Variants in TMEM178B observed in about 807,000 individuals in gnomAD.
TMEM178B encodes transmembrane protein 178B.
TMEM178B carries 5 observed loss-of-function variants against 31.0 expected under a neutral mutation model. That is an observed-to-expected ratio of 0.16 (90% confidence interval 0.08 to 0.34). TMEM178B has a LOEUF of 0.34. TMEM178B is among the 10% of genes least tolerant of loss of function. The pLI, the probability that TMEM178B is intolerant of heterozygous loss-of-function variation, is 1.00. For synonymous variants in TMEM178B, 164 were observed against 164.0 expected, an observed-to-expected ratio of 1.00 and a Z score of 0.00; for missense variants, 275 against 400.3, an observed-to-expected ratio of 0.69 and a Z score of 2.67.
In TMEM178B at chr7:141,470,737, C is replaced by T. The variant is rs757257299; in HGVS notation, c.836C>T (p.Pro279Leu). The T allele has an allele frequency of 4.0e-5, 61 of 1,532,466 alleles. 1 individual carries two copies. Among genetic ancestry groups the T allele is most frequent in the Admixed American group, 7.9e-5 (4 of 50,510 alleles). 94.9% of individuals were successfully genotyped at this position (1,532,466 alleles called of 1,614,324 possible). ...TTAGCCCCTTCTGTTCAACCTGTCC[C>T]GAGGACCAACTACCCTAAATCCAGA... ...CTLAPSVQPV[P>L]RTNYPKSRPE... Residue 279 changes from proline to leucine, a missense_variant, in exon 4 of 4, where the codon CCG becomes CTG. By Grantham distance (98) the Pro-to-Leu change is moderately conservative. Transcript: ENST00000565468.
intron 2 of TMEM178B, among the ~76,000 whole-genome samples, chr7:141,279,129 T>C (rs938158217): frequency 6.6e-6 from 1 of 152,188 alleles, no homozygotes; most frequent in African/African-American, 2.4e-5. Context: ...CTTGGATTAG[T>C]TGGGCCAGAG....
At chr7:141,424,401 A>G (rs903129798) in intron 2 of TMEM178B, among the ~76,000 whole-genome samples, 15 of 152,208 alleles carry the variant, frequency 9.9e-5, no homozygotes, top group African/African-American at 3.6e-4. Context: ...TTGGCCAAAG[A>G]GGAGCATGGC....
chr7:141,284,440 C>T (rs1334848090), intron 2 of TMEM178B, among the ~76,000 whole-genome samples: 4 of 152,138 alleles, frequency 2.6e-5, no homozygotes, highest in Non-Finnish European at 4.4e-5. Flanking sequence ...GTTTACAAAT[C>T]CATTTTTTCT....
chr7:141,454,341 T>C lies in TMEM178B; in HGVS notation c.635-16195T>C, dbSNP rs1009843414. Reference sequence around the variant, plus strand: ...CTTTAGGAGGATGCAGACTCCAGCTTTTAAGGCCTTACAGAGAAGTGACTG... The same window carrying C: ...CTTTAGGAGGATGCAGACTCCAGCTCTTAAGGCCTTACAGAGAAGTGACTG... On this transcript the variant is annotated intron_variant, in intron 3 of 3. Coordinates refer to ENST00000565468, the MANE Select transcript of TMEM178B (RefSeq NM_001195278.2). 1.4e-4 allele frequency among the ~76,000 whole-genome samples: 21 copies of C among 151,958 alleles called. 1 individual carries two copies. Among genetic ancestry groups the C allele is most frequent in the Admixed American group, 1.2e-3 (18 of 15,268 alleles).
chr7:141,277,834 T>A (rs914932895), intron 2 of TMEM178B, among the ~76,000 whole-genome samples: 3 of 152,188 alleles, frequency 2.0e-5, no homozygotes, highest in Non-Finnish European at 4.4e-5. Context: ...AAAATGAATC[T>A]TAATGAACCA....
chr7:141,163,320 T>C lies in TMEM178B; in HGVS notation c.383-49271T>C, dbSNP rs1360031551. 2.0e-5 allele frequency among the ~76,000 whole-genome samples: 3 copies of C among 152,218 alleles called. 1 individual carries two copies. The Middle Eastern group carries it at 9.5e-3, about 482-fold the overall frequency. On this transcript the variant is annotated intron_variant, in intron 1 of 3. Transcript: ENST00000565468. ...TGGAAGCCTAGGCTTGGAACTGGCA[T>C]ACTGTCACTCTCACCATATGATATT...
chr7:141,419,109 C>T (rs1372464991), intron 2 of TMEM178B, among the ~76,000 whole-genome samples: 2 of 152,116 alleles, frequency 1.3e-5, no homozygotes, highest in African/African-American at 2.4e-5. Context: ...GGGATTTCAC[C>T]ATGTTGACCA....
intron 1 of TMEM178B, among the ~76,000 whole-genome samples, chr7:141,204,747 T>C (rs1013943599): frequency 2.0e-5 from 3 of 152,208 alleles, no homozygotes; most frequent in Non-Finnish European, 4.4e-5. Context: ...TTGATATCTA[T>C]TTTTCACTCA....
At chr7:141,232,869 T>A (rs1797469655) in intron 2 of TMEM178B, among the ~76,000 whole-genome samples, 2 of 151,988 alleles carry the variant, frequency 1.3e-5, no homozygotes, top group African/African-American at 4.8e-5. Context: ...TGCCCCAAAC[T>A]CAGGAAGCAG....
At chr7:141,410,167 G>A (rs1040417648) in intron 2 of TMEM178B, among the ~76,000 whole-genome samples, 3 of 152,128 alleles carry the variant, frequency 2.0e-5, no homozygotes, top group African/African-American at 4.8e-5. Flanking sequence ...TTTCTATTCC[G>A]AGCACTTTGC....
intron 1 of TMEM178B, among the ~76,000 whole-genome samples, chr7:141,092,498 A>G (rs1204581110): frequency 1.3e-5 from 2 of 152,152 alleles, no homozygotes; most frequent in African/African-American, 4.8e-5. Flanking sequence ...TGGGGTAACA[A>G]TTTCTACTTT....
At chr7:141,482,153 ACTC>A (rs1393861705), downstream of TMEM178B, among the ~76,000 whole-genome samples, 1 of 151,728 alleles carries the variant, frequency 6.6e-6, no homozygotes, top group Non-Finnish European at 1.5e-5. Context: ...AAACACACCT[ACTC>A]CTCCTCACCT....
intron 2 of TMEM178B, among the ~76,000 whole-genome samples, chr7:141,221,588 T>C (rs1179400094): frequency 3.3e-5 from 5 of 152,120 alleles, no homozygotes; most frequent in African/African-American, 1.2e-4. Context: ...AAATAGACAA[T>C]GGTGGCTGAG....
At chr7:141,493,687 A>G in the TMEM178B span, among the ~76,000 whole-genome samples, 1 of 152,156 alleles carries the variant, frequency 6.6e-6, no homozygotes, top group Non-Finnish European at 1.5e-5. Flanking sequence ...AGGAAAAGAG[A>G]TGGGCAATGG....
rs1800218295 is a variant in TMEM178B, at chr7:141,376,597, G to A, written c.497-61011G>A. On this transcript the variant is annotated intron_variant, in intron 2 of 3. Transcript: ENST00000565468. ...TTTTAGATAGATATTTCAGTGTCAG[G>A]GAATACAGGGGATAGAGAAACAAGC... Among the ~76,000 whole-genome samples, 3 of 152,140 alleles carry A rather than the reference G, an allele frequency of 2.0e-5. No individual in the cohort carries two copies. In the South Asian group the frequency reaches 6.2e-4, roughly 32 times the overall value.
chr7:141,140,243 T>C (rs988779752), intron 1 of TMEM178B, among the ~76,000 whole-genome samples: 1 of 152,196 alleles, frequency 6.6e-6, no homozygotes, highest in African/African-American at 2.4e-5. Flanking sequence ...GGCCTTTGCA[T>C]GAACTGTTTC....
intron 2 of TMEM178B, among the ~76,000 whole-genome samples, chr7:141,430,827 TC>T (rs1396289173): frequency 1.3e-5 from 2 of 152,192 alleles, no homozygotes; most frequent in African/African-American, 4.8e-5. Flanking sequence ...AGTTCTGCCC[TC>T]ACCACTTTGC....
At chr7:141,264,325 C>T (rs764229226) in intron 2 of TMEM178B, among the ~76,000 whole-genome samples, 7 of 152,246 alleles carry the variant, frequency 4.6e-5, no homozygotes, top group Non-Finnish European at 8.8e-5. Flanking sequence ...AGGCCAGACT[C>T]TCTTTGGGCA....
chr7:141,186,773 C>G (rs1796615970), intron 1 of TMEM178B, among the ~76,000 whole-genome samples: 1 of 152,044 alleles, frequency 6.6e-6, no homozygotes, highest in Admixed American at 6.6e-5. Context: ...GGTGAGTAGC[C>G]CCACCAGTGG....
Sources: gnomAD v4.1 joint callset for allele counts (sites outside exome capture counted in the v4.1 genomes callset) on GRCh38, gnomAD v4.1.1 for gene constraint, MANE v1.5 for transcripts, NCBI Gene and HGNC (gene_info 2026-07-23, HGNC 2026-07-21) for gene names.